NBPF15: variants seen among roughly 807,000 people sequenced by gnomAD.
NBPF15 encodes NBPF member 15.
Under a neutral mutation model 62.2 loss-of-function variants are expected in NBPF15, and 74 were observed. That is an observed-to-expected ratio of 1.19 (90% CI 0.99 to 1.44). NBPF15 has a LOEUF of 1.44. Among genes scored for constraint, NBPF15 ranks in the 40% most tolerant of loss-of-function variants. The pLI, the probability that NBPF15 is intolerant of heterozygous loss-of-function variation, is 0.00. For synonymous variants in NBPF15, 244 were observed against 209.7 expected, an observed-to-expected ratio of 1.16 and a Z score of -1.41; for missense variants, 790 against 550.0, an observed-to-expected ratio of 1.44 and a Z score of -4.36.
chr1:144,453,788 A>G (rs1211106221), intron 4 of NBPF15, among the ~76,000 whole-genome samples: 1 of 144,970 alleles, frequency 6.9e-6, no homozygotes, highest in Non-Finnish European at 1.5e-5. Context: ...CTGTAAACCT[A>G]TCAGAATGGC....
rs1687025398 is a variant in NBPF15, at chr1:144,445,730, A to T, written c.-191+3045T>A. 3.3e-5 allele frequency among the ~76,000 whole-genome samples: 5 copies of T among 151,666 alleles called. No individual in the cohort carries two copies. The South Asian group carries it at 1.0e-3, about 32-fold the overall frequency. On this transcript the variant is annotated intron_variant, in intron 6 of 21. Transcript: ENST00000581897. The stretch of plus-strand genomic sequence containing the variant: ...TTTACGAAGAACTGACTTTTTAAAC[A>T]TAACAACTCTTCTGATCCATGACAA...
rs868996006 is a variant in NBPF15 at position 144,450,615 on chromosome 1, T to G, written c.-333+157A>C. On this transcript the variant is annotated intron_variant, in intron 5 of 21. Transcript: ENST00000581897. The stretch of plus-strand genomic sequence containing the variant: ...ACTTCTGTGGTTTCAAACCACTGGT[T>G]TGTGGTAATGTGATAATAGGCAGCA... 6.5e-4 allele frequency among the ~76,000 whole-genome samples: 98 copies of G among 150,440 alleles called. 3 individuals are homozygous for G. The highest frequency in any genetic ancestry group is 2.3e-3 in the African/African-American group (95 of 40,442).
In NBPF15 at chr1:144,423,257, C is replaced by T. The variant is rs1667003293; in HGVS notation, c.1770-1G>A. 1 of 1,611,288 alleles carries T rather than the reference C, an allele frequency of 6.2e-7. No homozygotes were observed. The highest frequency in any genetic ancestry group is 2.2e-5 in the East Asian group (1 of 44,856). ...CACTTCCATCAGCACGCCGTAGAGC[C>T]TGGAAAAGGAGACAAAACTAAAGAA... On this transcript the variant is annotated splice_acceptor_variant, in intron 21 of 21. Coordinates refer to ENST00000581897, the MANE Select transcript of NBPF15 (RefSeq NM_001385408.1). LOFTEE classifies it high-confidence loss of function.
At chr1:144,425,634 G>T (rs1435226429) in intron 18 of NBPF15, 66 bp from the exon 19 acceptor site, 10 of 554,816 alleles carry the variant, frequency 1.8e-5, no homozygotes, top group Admixed American at 3.3e-5. Flanking sequence ...ACAGTCCACT[G>T]TCTAATCCCC....
At chr1:144,428,102 T>G in intron 15 of NBPF15, 112 bp from the exon 16 acceptor site, 1 of 712,618 alleles carries the variant, frequency 1.4e-6, no homozygotes. Context: ...AAAGGACAGA[T>G]CCATTAATGA....
At chr1:144,446,422 A>T (rs1355552471) in intron 6 of NBPF15, among the ~76,000 whole-genome samples, 2 of 152,310 alleles carry the variant, frequency 1.3e-5, no homozygotes, top group African/African-American at 4.8e-5. Flanking sequence ...AATTTTTCTT[A>T]CTTTATTGCA....
intron 4 of NBPF15, among the ~76,000 whole-genome samples, chr1:144,456,061 A>G (rs1379003405): frequency 6.6e-6 from 1 of 151,892 alleles, no homozygotes; most frequent in Non-Finnish European, 1.5e-5. Flanking sequence ...GGACACATCT[A>G]GAGGGCACTG....
intron 6 of NBPF15, chr1:144,440,525 T>C (rs1490076146): frequency 8.3e-6 from 3 of 360,486 alleles, no homozygotes; most frequent in African/African-American, 6.3e-5. Context: ...TCACTGTTTA[T>C]CTCTTGTCTG....
rs1325202263 is a variant in NBPF15, at chr1:144,434,634, C to T, written c.772+477G>A. Among the ~76,000 whole-genome samples the T allele has an allele frequency of 1.7e-4, 25 of 151,222 alleles. 1 individual carries two copies. The highest frequency in any genetic ancestry group is 3.9e-4 in the East Asian group (2 of 5,152). On this transcript the variant is annotated intron_variant, in intron 12 of 21. Transcript: ENST00000581897. ...CAGCAAAGTAAAGAAGAAAAGTTTC[C>T]GTCCTGATTTCAGGGTGACTGTGCA... is the stretch of plus-strand genomic sequence containing the variant.
chr1:144,440,647 C>CTTT lies in NBPF15; in HGVS notation c.-190-355_-190-353dup, dbSNP rs1163752160. 2.2e-3 allele frequency: 303 copies of CTTT among 135,808 alleles called. 3 individuals are homozygous for CTTT. The South Asian group carries it at 0.027, about 12-fold the overall frequency. 8.4% of individuals were successfully genotyped at this position (135,808 alleles called of 1,614,324 possible). On this transcript the variant is annotated intron_variant, in intron 6 of 21. Transcript: ENST00000581897. Reference sequence around the variant, plus strand: ...CATTTAGTATGTTCTCTTGTTTTGACTTTTTTTTTTTTTTTTTTTGTTTGA... The same window carrying CTTT: ...CATTTAGTATGTTCTCTTGTTTTGACTTTTTTTTTTTTTTTTTTTTTTGTTTGA...
intron 6 of NBPF15, among the ~76,000 whole-genome samples, chr1:144,444,474 T>C (rs1407131174): frequency 1.3e-5 from 2 of 151,672 alleles, no homozygotes; most frequent in Non-Finnish European, 2.9e-5. Context: ...TTATTGGAGA[T>C]CTGAAGGGAC....
rs1345482701 is a variant in NBPF15, at chr1:144,442,241, T to A, written c.-190-1946A>T. 1.9e-3 allele frequency among the ~76,000 whole-genome samples: 225 copies of A among 117,780 alleles called. 4 individuals are homozygous for A. The highest frequency in any genetic ancestry group is 3.1e-3 in the Non-Finnish European group (183 of 58,576). 77.3% of individuals were successfully genotyped at this position (117,780 alleles called of 152,430 possible). On this transcript the variant is annotated intron_variant, in intron 6 of 21. Coordinates refer to ENST00000581897, the MANE Select transcript of NBPF15 (RefSeq NM_001385408.1). ...ATAATATATATATTAATAATATATA[T>A]TATTAATATAGATGTAGGCCATTAT...
rs782021320 is a variant in NBPF15, at chr1:144,428,178, G to GACACACACAC, written c.1041-198_1041-189dup. Among the ~76,000 whole-genome samples the GACACACACAC allele has an allele frequency of 3.8e-3, 504 of 132,306 alleles. 1 individual carries two copies. Among genetic ancestry groups the GACACACACAC allele is most frequent in the African/African-American group, 0.013 (460 of 34,450 alleles). The allele number at this position is 132,306 out of a possible 152,430, so 86.8% of individuals were successfully genotyped here. A position where few individuals can be genotyped will look rare whatever the true frequency, so the allele number is the denominator to read the frequency against. ...CAGGTAGAAAAGGATGAAAGAGAAA[G>GACACACACAC]ACACACACACACACACACACACACA... On this transcript the variant is annotated intron_variant, in intron 15 of 21. Coordinates refer to ENST00000581897, the MANE Select transcript of NBPF15 (RefSeq NM_001385408.1).
intron 9 of NBPF15, 81 bp from the exon 10 acceptor site, chr1:144,437,190 A>G: frequency 7.7e-7 from 1 of 1,302,822 alleles, no homozygotes; most frequent in East Asian, 2.3e-5. Context: ...GATTTCTGAG[A>G]CAATGTCCTC....
At chr1:144,428,992 T>C (rs1672166699) in intron 14 of NBPF15, among the ~76,000 whole-genome samples, 1 of 152,036 alleles carries the variant, frequency 6.6e-6, no homozygotes, top group Non-Finnish European at 1.5e-5. Context: ...AATATTAAGC[T>C]TTCTCTCATT....
chr1:144,458,938 G>A (rs1373163414), intron 3 of NBPF15, among the ~76,000 whole-genome samples: 1 of 151,652 alleles, frequency 6.6e-6, no homozygotes, highest in African/African-American at 2.4e-5. Flanking sequence ...CTACTCAGGA[G>A]GCTGAGGTGG....
intron 8 of NBPF15, among the ~76,000 whole-genome samples, chr1:144,439,303 T>C (rs1681076330): frequency 1.3e-5 from 2 of 151,956 alleles, no homozygotes; most frequent in Admixed American, 1.3e-4. Flanking sequence ...CTCTTGATGC[T>C]GTCACTTATA....
In NBPF15 at chr1:144,424,745, T is replaced by G. The variant is rs1482607779; in HGVS notation, c.1608A>C (p.Gly536=). Residue 536 remains glycine, a synonymous_variant, in exon 20 of 22, where the codon GGA becomes GGC. Transcript: ENST00000581897. The stretch of plus-strand genomic sequence containing the variant: ...TTTCCTCCAATGCATAAAAGGAACT[T>G]CCATAGGGCTGGCAGGAGTCAGGCT... ...LEQPDSCQPY[G]SSFYALEEKH... is the part of the protein sequence containing the mutation. The G allele has an allele frequency of 1.7e-6, 1 of 600,804 alleles. No homozygotes were observed. Among genetic ancestry groups the G allele is most frequent in the African/African-American group, 2.1e-5 (1 of 47,876 alleles). 37.2% of individuals were successfully genotyped at this position (600,804 alleles called of 1,614,324 possible). A position where few individuals can be genotyped will look rare whatever the true frequency, so the allele number is the denominator to read the frequency against.
In NBPF15 at chr1:144,461,367, G is replaced by A. The variant is rs1328580189; in HGVS notation, c.-938+14C>T. ...AGCTCGACCCAGCTGTGTACCCGCG[G>A]GTCCCGGACTCACCGCCCGCCCGGC... On this transcript the variant is annotated intron_variant, in intron 1 of 21. Transcript: ENST00000581897. The A allele has an allele frequency of 1.3e-5, 2 of 151,744 alleles. No individual in the cohort carries two copies. The highest frequency in any genetic ancestry group is 2.9e-5 in the Non-Finnish European group (2 of 67,896). 9.4% of individuals were successfully genotyped at this position (151,744 alleles called of 1,614,324 possible).
Sources: allele counts gnomAD v4.1 joint callset (sites outside exome capture counted in the v4.1 genomes callset), GRCh38; gene constraint gnomAD v4.1.1; transcripts MANE v1.5; gene names NCBI Gene and HGNC (gene_info 2026-07-23, HGNC 2026-07-21).